SMOC2: variants seen among roughly 807,000 people sequenced by gnomAD.
The protein encoded by SMOC2 is SPARC-related modular calcium-binding protein 2.
In SMOC2, 39 loss-of-function variants were observed where a neutral mutation model predicts 61.4. The ratio of observed to expected loss-of-function variants is 0.64; its 90% CI spans 0.49 to 0.83. The LOEUF (loss-of-function observed/expected upper bound fraction) is 0.83. Ranked by LOEUF, SMOC2 falls within the 40% of genes least tolerant of loss-of-function variation. The pLI is 0.00. For missense variants in SMOC2, 556 were observed against 592.9 expected (o/e 0.94, Z 0.65); for synonymous variants, 247 against 239.9 (o/e 1.03, Z -0.27).
At chr6:168,492,332 C>T (rs560555673) in intron 1 of SMOC2, among the ~76,000 whole-genome samples, 2 of 152,250 alleles carry the variant, frequency 1.3e-5, no homozygotes, top group Non-Finnish European at 2.9e-5. Context: ...ACCCACCTAC[C>T]TTTCCATAGT....
At chr6:168,446,084 C>T (rs555057202) in intron 1 of SMOC2, among the ~76,000 whole-genome samples, 10 of 152,296 alleles carry the variant, frequency 6.6e-5, no homozygotes, top group Non-Finnish European at 1.3e-4. Context: ...TAAACTGGGC[C>T]GGGCGCAGTG....
chr6:168,659,685 G>GTTAGC (rs1787441754), intron 11 of SMOC2, among the ~76,000 whole-genome samples: 17 of 56,520 alleles, frequency 3.0e-4, no homozygotes, highest in Admixed American at 7.0e-4. Flanking sequence ...GGTGGAGGTT[G>GTTAGC]TAGGTAGGGT....
At chr6:168,618,259 C>A (rs1786148314) in intron 9 of SMOC2, among the ~76,000 whole-genome samples, 1 of 152,230 alleles carries the variant, frequency 6.6e-6, no homozygotes, top group East Asian at 1.9e-4. Context: ...TGATTAGTAA[C>A]AACACACAGC....
intron 9 of SMOC2, among the ~76,000 whole-genome samples, chr6:168,637,844 A>G (rs1786780733): frequency 6.6e-6 from 1 of 151,996 alleles, no homozygotes; most frequent in Admixed American, 6.5e-5. Context: ...CCCCTTCCCT[A>G]CGGGGAAGGG....
chr6:168,511,311 G>A (rs1404195343), intron 2 of SMOC2, among the ~76,000 whole-genome samples: 1 of 152,130 alleles, frequency 6.6e-6, no homozygotes, highest in Non-Finnish European at 1.5e-5. Flanking sequence ...AGCTGGGGAG[G>A]CCTCAGGAAG....
chr6:168,608,500 C>T (rs1444758643), intron 9 of SMOC2, among the ~76,000 whole-genome samples: 1 of 152,152 alleles, frequency 6.6e-6, no homozygotes, highest in East Asian at 1.9e-4. Flanking sequence ...AAGGGCCCCT[C>T]ACAAATCAGA....
intron 2 of SMOC2, 36 bp downstream of exon 2, chr6:168,510,122 T>C (rs1490192283): frequency 1.2e-5 from 19 of 1,580,096 alleles, no homozygotes; most frequent in African/African-American, 2.7e-5. Context: ...CAAAGATGGG[T>C]ACATCCATCA....
chr6:168,606,478 TGACAGCTGGATGGGGTCCTCTCACTGG>T (rs1415781130), intron 8 of SMOC2, among the ~76,000 whole-genome samples: 11 of 152,224 alleles, frequency 7.2e-5, no homozygotes, highest in Non-Finnish European at 1.6e-4. Context: ...CTGACTCTTA[TGACAGCTGGATGGGGTCCTCTCACTGG>T]GACTGCTGGA....
chr6:168,575,957 C>G (rs1421958057), intron 7 of SMOC2, among the ~76,000 whole-genome samples: 1 of 152,118 alleles, frequency 6.6e-6, no homozygotes, highest in Non-Finnish European at 1.5e-5. Context: ...CGGCCACATG[C>G]TGGCAGGAGG....
chr6:168,664,384 C>CTTTTTTTTTTTTTTTTTTTTTT lies in SMOC2; in HGVS notation c.1323+284_1323+305dup, dbSNP rs750178882. Reference sequence around the variant, plus strand: ...TTCTGAGTTTCCTTGTTTGGTAGATCTTTTTTTTTTTTTTTTTTTTTTTTT... The same window carrying CTTTTTTTTTTTTTTTTTTTTTT: ...TTCTGAGTTTCCTTGTTTGGTAGATCTTTTTTTTTTTTTTTTTTTTTTTTTTTTTTTTTTTTTTTTTTTTTTT... On this transcript the variant is annotated intron_variant, in intron 12 of 12. Coordinates refer to ENST00000356284, the MANE Select transcript of SMOC2 (RefSeq NM_001166412.2). 1.1e-5 allele frequency: 3 copies of CTTTTTTTTTTTTTTTTTTTTTT among 283,078 alleles called. No homozygotes were observed. The African/African-American group carries it at 1.2e-4, about 11-fold the overall frequency. 17.5% of individuals were successfully genotyped at this position (283,078 alleles called of 1,614,324 possible).
intron 9 of SMOC2, among the ~76,000 whole-genome samples, chr6:168,625,207 G>C (rs911852940): frequency 6.6e-6 from 1 of 152,228 alleles, no homozygotes; most frequent in Admixed American, 6.5e-5. Context: ...CGTCCTCACC[G>C]TGAAGACCCG....
chr6:168,512,376 C>T (rs954865808), intron 2 of SMOC2, among the ~76,000 whole-genome samples: 4 of 152,160 alleles, frequency 2.6e-5, no homozygotes, highest in Non-Finnish European at 5.9e-5. Context: ...GCGTCACCAG[C>T]ACGATTGCAG....
At chr6:168,623,242 G>A (rs901869766) in intron 9 of SMOC2, among the ~76,000 whole-genome samples, 7 of 152,132 alleles carry the variant, frequency 4.6e-5, no homozygotes, top group African/African-American at 1.7e-4. Flanking sequence ...GACAGAGCAG[G>A]CTGGAGGGCT....
At chr6:168,575,766 A>G (rs891932170) in intron 7 of SMOC2, among the ~76,000 whole-genome samples, 2 of 152,240 alleles carry the variant, frequency 1.3e-5, no homozygotes, top group African/African-American at 2.4e-5. Flanking sequence ...ATTCAGGGAC[A>G]TGACAGGACA....
intron 9 of SMOC2, among the ~76,000 whole-genome samples, chr6:168,632,841 T>C (rs1159845196): frequency 6.6e-6 from 1 of 152,218 alleles, no homozygotes; most frequent in Non-Finnish European, 1.5e-5. Flanking sequence ...TGATGCCTTT[T>C]CCCTAAAGCT....
At chr6:168,468,406 G>T (rs1414319108) in intron 1 of SMOC2, among the ~76,000 whole-genome samples, 1 of 152,196 alleles carries the variant, frequency 6.6e-6, no homozygotes, top group Non-Finnish European at 1.5e-5. Flanking sequence ...AGAATGTGCA[G>T]ATGTTCCTTA....
intron 2 of SMOC2, among the ~76,000 whole-genome samples, chr6:168,518,329 GTA>G (rs1783198298): frequency 6.6e-6 from 1 of 152,028 alleles, no homozygotes; most frequent in East Asian, 1.9e-4. Flanking sequence ...TTGCATGTGT[GTA>G]TGCCTGAGGT....
At chr6:168,447,215 C>T (rs1395519195) in intron 1 of SMOC2, among the ~76,000 whole-genome samples, 12 of 152,088 alleles carry the variant, frequency 7.9e-5, no homozygotes, top group Admixed American at 3.9e-4. Flanking sequence ...TATAGGCACA[C>T]GCTACAACGC....
At chr6:168,577,519 G>T (rs1215316715) in intron 7 of SMOC2, among the ~76,000 whole-genome samples, 2 of 152,166 alleles carry the variant, frequency 1.3e-5, no homozygotes, top group Admixed American at 1.3e-4. Context: ...CTGGAAAATA[G>T]CGGAATCTCT....
Sources: gnomAD v4.1 joint callset for allele counts (sites outside exome capture counted in the v4.1 genomes callset) on GRCh38, gnomAD v4.1.1 for gene constraint, MANE v1.5 for transcripts, NCBI Gene and HGNC (gene_info 2026-07-23, HGNC 2026-07-21) for gene names.